WDFY2: variants seen among roughly 807,000 people sequenced by gnomAD.
WDFY2 encodes the protein WD repeat and FYVE domain-containing protein 2.
WDFY2 carries 36 observed loss-of-function variants against 56.4 expected under a neutral mutation model. The ratio of observed to expected loss-of-function variants is 0.64; its 90% CI spans 0.49 to 0.84. The LOEUF (loss-of-function observed/expected upper bound fraction) is 0.84. Among genes scored for constraint, WDFY2 ranks in the 40% least tolerant of loss-of-function variants. WDFY2 has a pLI of 0.00. For missense variants in WDFY2, 444 were observed against 512.2 expected, an observed-to-expected ratio of 0.87 and a Z score of 1.29; for synonymous variants, 176 against 183.7, an observed-to-expected ratio of 0.96 and a Z score of 0.34.
chr13:51,599,429 T>C (rs1954223012), intron 1 of WDFY2: 1 of 157,978 alleles, frequency 6.3e-6, no homozygotes, highest in African/African-American at 2.4e-5. Flanking sequence ...GTAAAGCTGC[T>C]CACAAAGAAG....
At chr13:51,709,390 C>T (rs1179758855) in intron 4 of WDFY2, among the ~76,000 whole-genome samples, 1 of 152,158 alleles carries the variant, frequency 6.6e-6, no homozygotes, top group Non-Finnish European at 1.5e-5. Context: ...CAGTGGTTCA[C>T]ACCTGTTAAC....
At chr13:51,724,923 T>C (rs1257138915) in intron 5 of WDFY2, among the ~76,000 whole-genome samples, 1 of 152,218 alleles carries the variant, frequency 6.6e-6, no homozygotes, top group East Asian at 1.9e-4. Context: ...CTTCCTTGCC[T>C]TCTGACTCAA....
intron 1 of WDFY2, among the ~76,000 whole-genome samples, chr13:51,595,417 T>C (rs1360427751): frequency 1.3e-5 from 2 of 152,208 alleles, no homozygotes; most frequent in Non-Finnish European, 1.5e-5. Context: ...TTTAAACATA[T>C]GGACTTCACA....
At chr13:51,714,074 C>T (rs1952289112) in intron 4 of WDFY2, among the ~76,000 whole-genome samples, 1 of 151,528 alleles carries the variant, frequency 6.6e-6, no homozygotes, top group African/African-American at 2.4e-5. Context: ...TACTTAATGC[C>T]ACAGAACTGT....
chr13:51,662,337 TA>T (rs1255231046), intron 2 of WDFY2, among the ~76,000 whole-genome samples: 1 of 152,170 alleles, frequency 6.6e-6, no homozygotes, highest in Non-Finnish European at 1.5e-5. Flanking sequence ...CCTGCCACAG[TA>T]TCTAACTGTA....
intron 1 of WDFY2, among the ~76,000 whole-genome samples, chr13:51,659,032 T>C (rs1361081517): frequency 1.3e-5 from 2 of 152,168 alleles, no homozygotes; most frequent in Non-Finnish European, 2.9e-5. Context: ...GTTCAAGTGA[T>C]TCTCCTGCCT....
intron 2 of WDFY2, among the ~76,000 whole-genome samples, chr13:51,661,411 T>C (rs1267170281): frequency 6.6e-6 from 1 of 152,204 alleles, no homozygotes; most frequent in Non-Finnish European, 1.5e-5. Context: ...ACATTTCCCT[T>C]ACTTCCTGCC....
chr13:51,649,142 G>C (rs1372152021), intron 1 of WDFY2, among the ~76,000 whole-genome samples: 6 of 152,102 alleles, frequency 3.9e-5, no homozygotes, highest in African/African-American at 1.4e-4. Context: ...GTGAGACTCG[G>C]TCTCAAAAAA....
Position 51,584,520 on chromosome 13 carries a change from G to A in WDFY2, c.-168G>A, listed in dbSNP as rs548291290. 1 of 907,784 alleles carries A rather than the reference G, an allele frequency of 1.1e-6. No homozygotes were observed. The highest frequency in any genetic ancestry group is 2.8e-5 in the East Asian group (1 of 35,590). The allele number at this position is 907,784 out of a possible 1,614,324, so 56.2% of individuals were successfully genotyped here. On this transcript the variant is annotated 5_prime_UTR_variant, in exon 1 of 12. Coordinates refer to ENST00000298125, the MANE Select transcript of WDFY2 (RefSeq NM_052950.4). ...GGTTTTGGTGCCTGAAGCAGGGAGC[G>A]CGGAGTCGTTCCCGAGAGAGGCGGC...
At chr13:51,719,945 T>A (rs774988867) in intron 5 of WDFY2, among the ~76,000 whole-genome samples, 3 of 152,190 alleles carry the variant, frequency 2.0e-5, no homozygotes, top group Non-Finnish European at 2.9e-5. Flanking sequence ...TCATGGTGAA[T>A]CCTTGCTGAT....
chr13:51,666,487 G>A (rs777612312), intron 2 of WDFY2, among the ~76,000 whole-genome samples: 4 of 152,200 alleles, frequency 2.6e-5, no homozygotes, highest in Non-Finnish European at 4.4e-5. Context: ...CATGAGAACT[G>A]ATCCCCTTAG....
Position 51,760,016 on chromosome 13 carries a change from G to T in WDFY2, c.*247G>T, listed in dbSNP as rs1449584185. On this transcript the variant is annotated 3_prime_UTR_variant, in exon 12 of 12. Transcript: ENST00000298125. ...TTTAACAAATGGTTTATACAGTCTG[G>T]CTGTGCTGCATTGTTTTGAGTGTAC... 4 of 426,670 alleles carry T rather than the reference G, an allele frequency of 9.4e-6. No individual in the cohort carries two copies. Among genetic ancestry groups the T allele is most frequent in the Middle Eastern group, 6.1e-4 (1 of 1,632 alleles). 26.4% of individuals were successfully genotyped at this position (426,670 alleles called of 1,614,324 possible).
At chr13:51,698,281 T>C (rs1951917530) in intron 3 of WDFY2, among the ~76,000 whole-genome samples, 1 of 152,202 alleles carries the variant, frequency 6.6e-6, no homozygotes, top group Non-Finnish European at 1.5e-5. Flanking sequence ...TATTAGCATA[T>C]CAAATCCAGT....
intron 1 of WDFY2, among the ~76,000 whole-genome samples, chr13:51,609,245 C>T (rs1301213458): frequency 2.0e-5 from 3 of 152,110 alleles, no homozygotes; most frequent in African/African-American, 7.2e-5. Context: ...CCTTGTATAC[C>T]CTCTACTGAT....
chr13:51,697,832 T>C (rs1371597110), intron 3 of WDFY2, among the ~76,000 whole-genome samples: 5 of 152,232 alleles, frequency 3.3e-5, no homozygotes, highest in African/African-American at 1.2e-4. Context: ...ATTCCAATTG[T>C]ATGTGTTTCT....
At chr13:51,643,333 C>G (rs1322059931) in intron 1 of WDFY2, among the ~76,000 whole-genome samples, 1 of 152,122 alleles carries the variant, frequency 6.6e-6, no homozygotes, top group African/African-American at 2.4e-5. Context: ...CAGTAGCAGC[C>G]AGGGGCATCC....
chr13:51,726,572 G>C (rs913542691), intron 5 of WDFY2, among the ~76,000 whole-genome samples: 1 of 152,178 alleles, frequency 6.6e-6, no homozygotes, highest in African/African-American at 2.4e-5. Context: ...CAAAATTCCA[G>C]ATTCCCAGAA....
At chr13:51,660,465 G>A (rs926388866) in intron 1 of WDFY2, 131 bp from the exon 2 acceptor site, 3 of 673,300 alleles carry the variant, frequency 4.5e-6, no homozygotes, top group Non-Finnish European at 7.4e-6. Flanking sequence ...CTCTCAAAGT[G>A]CTGGGACAGG....
intron 1 of WDFY2, among the ~76,000 whole-genome samples, chr13:51,611,646 C>T (rs1264480183): frequency 1.3e-5 from 2 of 152,142 alleles, no homozygotes; most frequent in African/African-American, 4.8e-5. Flanking sequence ...TAGGTATTTA[C>T]CCCTACCTCA....
Sources: allele counts gnomAD v4.1 joint callset (sites outside exome capture counted in the v4.1 genomes callset), GRCh38; gene constraint gnomAD v4.1.1; transcripts MANE v1.5; gene names NCBI Gene and HGNC (gene_info 2026-07-23, HGNC 2026-07-21).